KDSR: variants seen among roughly 807,000 people sequenced by gnomAD.
The protein encoded by KDSR is 3-dehydrosphinganine reductase.
In KDSR, 23 loss-of-function variants were observed where a neutral mutation model predicts 41.3. The observed-to-expected ratio is 0.56, with a 90% CI of 0.40 to 0.79. The LOEUF is 0.79. KDSR is among the 30% of genes least tolerant of loss of function. The probability of loss-of-function intolerance (pLI) is 0.00; values close to 1 mark genes in which losing one functional copy is unlikely to be tolerated. For synonymous variants in KDSR, 138 were observed against 151.7 expected (o/e 0.91, Z 0.66); for missense variants, 351 against 416.8 (o/e 0.84, Z 1.37).
intron 1 of KDSR, among the ~76,000 whole-genome samples, chr18:63,365,099 G>T (rs1176786672): frequency 1.3e-5 from 2 of 152,186 alleles, no homozygotes. Context: ...AGATTTATTT[G>T]GTCGGTAATC....
At chr18:63,350,726 T>C (rs975026988) in intron 6 of KDSR, among the ~76,000 whole-genome samples, 162 bp downstream of exon 6, 1 of 152,226 alleles carries the variant, frequency 6.6e-6, no homozygotes, top group Non-Finnish European at 1.5e-5. Flanking sequence ...ATGAAAAATG[T>C]TAACTGCAAA....
intron 9 of KDSR, 98 bp from the exon 10 acceptor site, chr18:63,331,999 A>C: frequency 8.0e-7 from 1 of 1,255,000 alleles, no homozygotes. Context: ...CAAATCTTCT[A>C]GTCTGCTCTA....
At chr18:63,338,523 C>T (rs1031620665) in intron 8 of KDSR, among the ~76,000 whole-genome samples, 8 of 152,184 alleles carry the variant, frequency 5.3e-5, no homozygotes, top group Non-Finnish European at 1.0e-4. Flanking sequence ...AGGAAAGTCT[C>T]ATTTTCTTTT....
At chr18:63,332,274 C>A (rs969359465) in intron 9 of KDSR, among the ~76,000 whole-genome samples, 3 of 152,050 alleles carry the variant, frequency 2.0e-5, no homozygotes, top group African/African-American at 7.2e-5. Context: ...AAAGCGAGAC[C>A]CTATACTAGG....
intron 1 of KDSR, among the ~76,000 whole-genome samples, chr18:63,363,202 A>ATTTTCTTTTTTT (rs67907990): frequency 4.7e-5 from 6 of 126,504 alleles, no homozygotes; most frequent in Non-Finnish European, 1.0e-4. Context: ...AATGAATCTT[A>ATTTTCTTTTTTT]TTTTCTTTTT....
chr18:63,363,349 C>T (rs2144383220), intron 1 of KDSR, among the ~76,000 whole-genome samples: 2 of 139,790 alleles, frequency 1.4e-5, no homozygotes, highest in African/African-American at 2.7e-5. Context: ...TTAGGTATAT[C>T]TCCCAATGCT....
At chr18:63,363,804 CT>C (rs1422395401) in intron 1 of KDSR, among the ~76,000 whole-genome samples, 2 of 152,320 alleles carry the variant, frequency 1.3e-5, no homozygotes, top group South Asian at 2.1e-4. Context: ...TATTCTACCC[CT>C]ATCTACAGTT....
rs1913905798 is a variant in KDSR at position 63,329,404 on chromosome 18, C to T, written c.*2378G>A. On this transcript the variant is annotated 3_prime_UTR_variant, in exon 10 of 10. Coordinates refer to ENST00000645214, the MANE Select transcript of KDSR (RefSeq NM_002035.4). ...GCATAAATATAAAGTACAATACTCT[C>T]ACATCAGTTCAAGTCAGATTTTGCT... 1 of 209,250 alleles carries T rather than the reference C, an allele frequency of 4.8e-6. No homozygotes were observed. The highest frequency in any genetic ancestry group is 7.3e-5 in the East Asian group (1 of 13,762). 13.0% of individuals were successfully genotyped at this position (209,250 alleles called of 1,614,324 possible). A position where few individuals can be genotyped will look rare whatever the true frequency, so the allele number is the denominator to read the frequency against.
intron 2 of KDSR, among the ~76,000 whole-genome samples, chr18:63,362,266 C>A (rs959399652): frequency 2.6e-5 from 4 of 152,236 alleles, no homozygotes; most frequent in Admixed American, 1.3e-4. Context: ...AAAACAGATT[C>A]TGTGTTGACT....
At position 63,332,666 on chromosome 18, in the gene KDSR, C is replaced by A. The variant is rs371354806; in HGVS notation, c.880-765G>T. Among the ~76,000 whole-genome samples the A allele has an allele frequency of 4.4e-3, 669 of 152,136 alleles. 6 individuals are homozygous for A. The highest frequency in any genetic ancestry group is 0.015 in the African/African-American group (625 of 41,496). On this transcript the variant is annotated intron_variant, in intron 9 of 9. Coordinates refer to ENST00000645214, the MANE Select transcript of KDSR (RefSeq NM_002035.4). ...CTAACACGGTGAAACCCCATCTCTA[C>A]TAAAAATACAAAAAAATTATCCGCG... is the stretch of plus-strand genomic sequence containing the variant.
At chr18:63,361,660 C>G (rs1298108660) in intron 2 of KDSR, among the ~76,000 whole-genome samples, 1 of 151,698 alleles carries the variant, frequency 6.6e-6, no homozygotes, top group Non-Finnish European at 1.5e-5. Context: ...ACTAAAAATA[C>G]AAAAATTAGC....
chr18:63,361,777 T>C (rs191001808), intron 2 of KDSR, among the ~76,000 whole-genome samples: 57 of 152,294 alleles, frequency 3.7e-4, no homozygotes, highest in African/African-American at 1.3e-3. Context: ...ATCATGCCAC[T>C]GCACTCCAGC....
rs1913939139 is a variant in KDSR at position 63,330,218 on chromosome 18, G to A, written c.*1564C>T. On this transcript the variant is annotated 3_prime_UTR_variant, in exon 10 of 10. Transcript: ENST00000645214. ...TTTTTAGGTCTTCAATTTTTGTATA[G>A]AGTTTTTATGTTTTTTAAGTTTTAT... 1 of 201,826 alleles carries A rather than the reference G, an allele frequency of 5.0e-6. No individual in the cohort carries two copies. Among genetic ancestry groups the A allele is most frequent in the African/African-American group, 2.3e-5 (1 of 43,556 alleles). The allele number at this position is 201,826 out of a possible 1,614,324, so 12.5% of individuals were successfully genotyped here.
At chr18:63,354,205 C>T (rs895723236) in intron 5 of KDSR, among the ~76,000 whole-genome samples, 13 of 152,096 alleles carry the variant, frequency 8.5e-5, no homozygotes, top group Admixed American at 3.9e-4. Flanking sequence ...CAGCTTCATC[C>T]TCACAGGAGG....
chr18:63,337,138 G>GTGAATATATATATATATATATATATATGT (rs1914198170), intron 8 of KDSR, among the ~76,000 whole-genome samples: 1 of 90,152 alleles, frequency 1.1e-5, no homozygotes, highest in South Asian at 3.4e-4. Flanking sequence ...ATATATATAT[G>GTGAATATATATATATATATATATATATGT]GAGTTTTGCT....
chr18:63,361,772 G>A (rs897531308), intron 2 of KDSR, among the ~76,000 whole-genome samples: 1 of 152,146 alleles, frequency 6.6e-6, no homozygotes, highest in Non-Finnish European at 1.5e-5. Context: ...CCGAGATCAT[G>A]CCACTGCACT....
chr18:63,366,791 C>T, intron 1 of KDSR: 1 of 384,960 alleles, frequency 2.6e-6, no homozygotes. Flanking sequence ...CGCTCTCCGG[C>T]CCTAGGAGGA....
chr18:63,332,913 T>C (rs112687435), intron 9 of KDSR, among the ~76,000 whole-genome samples: 44 of 151,782 alleles, frequency 2.9e-4, no homozygotes, highest in African/African-American at 1.0e-3. Context: ...AAGCCAGTCC[T>C]TGGATCTTCC....
chr18:63,345,107 T>C (rs58490349), intron 6 of KDSR: 2,410 of 152,536 alleles, frequency 0.016, 25 homozygotes, highest in East Asian at 0.021. Flanking sequence ...AAGAGTCACT[T>C]CCTCCTCCAC....
Sources: allele counts gnomAD v4.1 joint callset (sites outside exome capture counted in the v4.1 genomes callset), GRCh38; gene constraint gnomAD v4.1.1; transcripts MANE v1.5; gene names NCBI Gene and HGNC (gene_info 2026-07-23, HGNC 2026-07-21).